The following RPS29 variants were observed in gnomAD, a reference collection of about 807,000 sequenced individuals.
RPS29 encodes the protein ribosomal protein S29, also known as small ribosomal subunit protein uS14.
For synonymous variants in RPS29, 37 were observed against 26.9 expected (o/e 1.37, Z -1.16); for missense variants, 60 against 75.7 (o/e 0.79, Z 0.77).
exon 3 of RPS29, chr14:49,572,671 T>C (rs1881082156): frequency 6.6e-6 from 1 of 152,210 alleles, no homozygotes; most frequent in African/African-American, 2.4e-5. Flanking sequence ...GTGGTCATTG[T>C]CATCATGCTT....
chr14:49,596,637 AT>A (rs1357979355), intron 1 of RPS29, among the ~76,000 whole-genome samples: 2 of 152,138 alleles, frequency 1.3e-5, no homozygotes, highest in African/African-American at 2.4e-5. Flanking sequence ...AGGAAGATAC[AT>A]TTTTGGCAGT....
At chr14:49,594,778 G>C (rs1223500709) in intron 1 of RPS29, among the ~76,000 whole-genome samples, 2 of 152,290 alleles carry the variant, frequency 1.3e-5, no homozygotes, top group Middle Eastern at 3.4e-3. Flanking sequence ...ATATTTCTAT[G>C]ACAAGGCTTA....
chr14:49,598,129 A>AT, intron 1 of RPS29: 1 of 409,350 alleles, frequency 2.4e-6, no homozygotes, highest in Non-Finnish European at 4.3e-6. Context: ...TTACGGAAGT[A>AT]TAACTCAGAC....
At chr14:49,582,408 A>G (rs1404985838), downstream of RPS29, among the ~76,000 whole-genome samples, 1 of 152,224 alleles carries the variant, frequency 6.6e-6, no homozygotes, top group Non-Finnish European at 1.5e-5. Context: ...TCTTCCCCAC[A>G]GAATCTATGC....
chr14:49,577,921 T>C, intron 2 of RPS29: 1 of 1,106,474 alleles, frequency 9.0e-7, no homozygotes, highest in East Asian at 2.6e-5. Context: ...TCAATAAATT[T>C]GTACTGCATG....
At chr14:49,585,738 A>G (rs1255248241) in intron 2 of RPS29, 73 of 561,672 alleles carry the variant, frequency 1.3e-4, no homozygotes, top group Non-Finnish European at 1.8e-4. Context: ...AGTAGGAAAG[A>G]CTAAGTCCTT....
chr14:49,577,717 T>C, exon 3 of RPS29: 1 of 952,680 alleles, frequency 1.0e-6, no homozygotes, highest in Non-Finnish European at 1.7e-6. Context: ...TTTTGACATA[T>C]CAGTCTGACT....
At chr14:49,591,132 T>A (rs1881701061), upstream of RPS29, among the ~76,000 whole-genome samples, 1 of 152,188 alleles carries the variant, frequency 6.6e-6, no homozygotes, top group Admixed American at 6.5e-5. Flanking sequence ...AAAACATACA[T>A]ACTTCAGGAA....
chr14:49,587,359 T>C (rs183164432), upstream of RPS29, among the ~76,000 whole-genome samples: 27 of 152,360 alleles, frequency 1.8e-4, no homozygotes, highest in East Asian at 4.2e-3. Context: ...TGCTGAAAGA[T>C]ACCTACATTC....
Position 49,586,242 on chromosome 14 carries a change from G to C in RPS29, c.62+43C>G, listed in dbSNP as rs766756129. 3 of 1,591,282 alleles carry C rather than the reference G, an allele frequency of 1.9e-6. No homozygotes were observed. The South Asian group carries it at 3.3e-5, about 18-fold the overall frequency. On this transcript the variant is annotated intron_variant, in intron 1 of 2. Transcript: ENST00000245458. ...TACTTGAGATTTTAAGCAGCCTAGC[G>C]CTCCACGGCAACGCTTCCCCAAAAT... is the stretch of plus-strand genomic sequence containing the variant.
In RPS29 at chr14:49,583,805, C is replaced by G. The variant is rs570494326; in HGVS notation, c.163-130G>C. 5.5e-5 allele frequency: 32 copies of G among 585,828 alleles called. No homozygotes were observed. In the East Asian group the frequency reaches 8.5e-4, roughly 16 times the overall value. The allele number at this position is 585,828 out of a possible 1,614,324, so 36.3% of individuals were successfully genotyped here. On this transcript the variant is annotated intron_variant, in intron 2 of 2. Coordinates refer to ENST00000245458, the MANE Select transcript of RPS29 (RefSeq NM_001032.5). ...GACCTTTGACCTATCCAAACCACAC[C>G]AGATTCTATGTAGTTTAAATATTTA...
At chr14:49,582,012 C>CAAAAAAAAA (rs58507206), downstream of RPS29, among the ~76,000 whole-genome samples, 5 of 106,508 alleles carry the variant, frequency 4.7e-5, no homozygotes, top group Admixed American at 1.1e-4. Flanking sequence ...CCCTGCCCCC[C>CAAAAAAAAA]AAAAAAAAAA....
intron 2 of RPS29, chr14:49,585,614 A>C (rs1441311946): frequency 7.0e-6 from 3 of 430,522 alleles, no homozygotes; most frequent in Non-Finnish European, 1.2e-5. Context: ...AGGTACTTAC[A>C]AGATTGATAA....
upstream of RPS29, chr14:49,586,637 G>GT (rs1481711179): frequency 4.5e-6 from 2 of 442,606 alleles, no homozygotes; most frequent in Non-Finnish European, 8.4e-6. Context: ...GAGGCTGGAG[G>GT]ATCGCTTGAG....
downstream of RPS29, among the ~76,000 whole-genome samples, chr14:49,578,834 C>T (rs1279277682): frequency 6.6e-6 from 1 of 152,284 alleles, no homozygotes; most frequent in East Asian, 1.9e-4. Flanking sequence ...GCTGGGATTA[C>T]AGGCATGAGC....
upstream of RPS29, among the ~76,000 whole-genome samples, chr14:49,588,633 T>C (rs1273472127): frequency 6.6e-6 from 1 of 151,990 alleles, no homozygotes; most frequent in Non-Finnish European, 1.5e-5. Flanking sequence ...GTTCAAGGGA[T>C]TCTCCTGCCT....
downstream of RPS29, among the ~76,000 whole-genome samples, chr14:49,582,532 T>G (rs548231230): frequency 2.0e-5 from 3 of 152,360 alleles, no homozygotes; most frequent in Admixed American, 2.0e-4. Flanking sequence ...TGCACATTAT[T>G]ATGTATTGCT....
At chr14:49,574,005 G>C (rs975175752) in exon 3 of RPS29, 2 of 152,158 alleles carry the variant, frequency 1.3e-5, no homozygotes, top group African/African-American at 4.8e-5. Context: ...GTGCTGCCAG[G>C]AATGTTTATC....
chr14:49,573,124 GAGAA>G (rs1179823201), exon 3 of RPS29: 2 of 148,446 alleles, frequency 1.3e-5, no homozygotes, highest in Non-Finnish European at 3.0e-5. Flanking sequence ...AAGAAAGAAA[GAGAA>G]AGAAAGAAAA....
Sources: gnomAD v4.1 joint callset for allele counts (sites outside exome capture counted in the v4.1 genomes callset) on GRCh38, gnomAD v4.1.1 for gene constraint, MANE v1.5 for transcripts, NCBI Gene and HGNC (gene_info 2026-07-23, HGNC 2026-07-21) for gene names.